The following ALOX5 variants were observed in gnomAD, a reference collection of about 807,000 sequenced individuals.
ALOX5 encodes the protein polyunsaturated fatty acid 5-lipoxygenase.
In ALOX5, 64 loss-of-function variants were observed where a neutral mutation model predicts 87.9. The ratio of observed to expected loss-of-function variants is 0.73; its 90% CI spans 0.60 to 0.90. The LOEUF (loss-of-function observed/expected upper bound fraction) is 0.90. Ranked by LOEUF, ALOX5 falls within the 40% of genes least tolerant of loss-of-function variation. The pLI is 0.00. For missense variants in ALOX5, 822 were observed against 907.5 expected (o/e 0.91, Z 1.21); for synonymous variants, 388 against 355.1 (o/e 1.09, Z -1.04).
chr10:45,381,610 G>C (rs1240308385), intron 1 of ALOX5, among the ~76,000 whole-genome samples: 2 of 152,154 alleles, frequency 1.3e-5, no homozygotes, highest in Non-Finnish European at 2.9e-5. Flanking sequence ...TATCCCATGT[G>C]GGGGCAGCTG....
At position 45,382,546 on chromosome 10, in the gene ALOX5, A is replaced by G. The variant is rs751386534; in HGVS notation, c.214A>G (p.Lys72Glu). Residue 72 changes from lysine to glutamate, a missense_variant, in exon 2 of 14, where the codon AAG (lysine) becomes GAG (glutamate). Physicochemically the swap from Lys to Glu is moderately conservative, Grantham distance 56. Coordinates refer to ENST00000374391, the MANE Select transcript of ALOX5 (RefSeq NM_000698.5). The part of the protein sequence containing the change: ...LGEIQLVRIE[K>E]RKYWLNDDWY... ...CGAGATCCAGCTGGTCAGAATCGAG[A>G]AGCGCAAGTACTGGCTGAATGACGA... 3 of 1,614,178 alleles carry G rather than the reference A, an allele frequency of 1.9e-6. No individual in the cohort carries two copies. The highest frequency in any genetic ancestry group is 2.5e-6 in the Non-Finnish European group (3 of 1,180,032).
At chr10:45,384,540 C>T (rs76502040) in intron 2 of ALOX5, among the ~76,000 whole-genome samples, 1 of 152,188 alleles carries the variant, frequency 6.6e-6, no homozygotes, top group Non-Finnish European at 1.5e-5. Context: ...CTCTAGGCTC[C>T]TTGGCCTCTC....
At chr10:45,384,567 C>A (rs1839949933) in intron 2 of ALOX5, among the ~76,000 whole-genome samples, 1 of 152,156 alleles carries the variant, frequency 6.6e-6, no homozygotes, top group Non-Finnish European at 1.5e-5. Flanking sequence ...TATGGAGTCT[C>A]ATTCTTTAAG....
In ALOX5 at chr10:45,382,333, G is replaced by A. The variant is rs1187458533; in HGVS notation, c.151-150G>A. Reference sequence around the variant, plus strand: ...TCTAAGAAACAGCACGAATGTCAGAGTATCTTGCACCTGCTGTTTTTTTAA... The same window carrying A: ...TCTAAGAAACAGCACGAATGTCAGAATATCTTGCACCTGCTGTTTTTTTAA... On this transcript the variant is annotated intron_variant, in intron 1 of 13. Coordinates refer to ENST00000374391, the MANE Select transcript of ALOX5 (RefSeq NM_000698.5). 1.8e-5 allele frequency: 13 copies of A among 732,558 alleles called. No individual in the cohort carries two copies. In the East Asian group the frequency reaches 3.5e-4, roughly 20 times the overall value. 45.4% of individuals were successfully genotyped at this position (732,558 alleles called of 1,614,324 possible).
intron 3 of ALOX5, among the ~76,000 whole-genome samples, chr10:45,396,684 C>T (rs780408114): frequency 3.4e-4 from 52 of 152,198 alleles, no homozygotes; most frequent in Non-Finnish European, 6.6e-4. Flanking sequence ...CTTGCATAAA[C>T]TCTTTTAAGA....
At chr10:45,376,867 C>A (rs1167527997) in intron 1 of ALOX5, among the ~76,000 whole-genome samples, 1 of 152,214 alleles carries the variant, frequency 6.6e-6, no homozygotes, top group Non-Finnish European at 1.5e-5. Context: ...GTTGTGTCTT[C>A]CTTGGCTCCT....
At chr10:45,419,976 C>G (rs1344614162) in intron 4 of ALOX5, among the ~76,000 whole-genome samples, 1 of 152,128 alleles carries the variant, frequency 6.6e-6, no homozygotes, top group East Asian at 1.9e-4. Context: ...CACTGGAAAG[C>G]AAAGCGTGGG....
intron 1 of ALOX5, among the ~76,000 whole-genome samples, chr10:45,376,778 A>G (rs1839630492): frequency 1.3e-5 from 2 of 152,102 alleles, no homozygotes; most frequent in Non-Finnish European, 2.9e-5. Flanking sequence ...GTCCCTTGTT[A>G]TTCTCATCAG....
chr10:45,418,480 T>G (rs1841379782), intron 4 of ALOX5, among the ~76,000 whole-genome samples: 1 of 152,172 alleles, frequency 6.6e-6, no homozygotes, highest in African/African-American at 2.4e-5. Context: ...TCAGGCCCTC[T>G]GGGACCGCGT....
At chr10:45,409,497 CTCTG>C (rs1169788860) in intron 3 of ALOX5, among the ~76,000 whole-genome samples, 5 of 141,948 alleles carry the variant, frequency 3.5e-5, no homozygotes, top group African/African-American at 7.8e-5. Context: ...CTTAGGATCT[CTCTG>C]TCTGTCTGTC....
rs1564453800 is a variant in ALOX5 at position 45,445,595 on chromosome 10, A to G, written c.1933A>G (p.Ile645Val). Reference sequence around the variant, plus strand: ...CCGATTCCGCAAGAACCTCGAGGCCATTGTCAGCGTGATTGCTGAGCGCAA... The same window carrying G: ...CCGATTCCGCAAGAACCTCGAGGCCGTTGTCAGCGTGATTGCTGAGCGCAA... Reference protein sequence around the residue: ...MARFRKNLEAIVSVIAERNKK... With the variant: ...MARFRKNLEAVVSVIAERNKK... Residue 645 changes from isoleucine (I) to valine (V), a missense_variant, in exon 14 of 14, where the codon ATT becomes GTT. Coordinates refer to ENST00000374391, the MANE Select transcript of ALOX5 (RefSeq NM_000698.5). The G allele has an allele frequency of 1.2e-6, 2 of 1,614,178 alleles. No homozygotes were observed. The highest frequency in any genetic ancestry group is 1.7e-6 in the Non-Finnish European group (2 of 1,180,030).
chr10:45,387,241 G>A (rs1350251592), intron 2 of ALOX5, among the ~76,000 whole-genome samples: 1 of 152,156 alleles, frequency 6.6e-6, no homozygotes, highest in African/African-American at 2.4e-5. Flanking sequence ...CTAGGACACT[G>A]CACTCTTTTA....
At chr10:45,431,797 C>T (rs770967731) in intron 7 of ALOX5, among the ~76,000 whole-genome samples, 25 of 152,116 alleles carry the variant, frequency 1.6e-4, no homozygotes, top group Non-Finnish European at 2.6e-4. Context: ...TGGTCTCGAA[C>T]TCCTGACCTT....
chr10:45,396,016 T>C (rs1333846528), intron 3 of ALOX5, 80 bp downstream of exon 3: 1 of 1,444,456 alleles, frequency 6.9e-7, no homozygotes, highest in East Asian at 2.4e-5. Flanking sequence ...ATAAACCCTT[T>C]CCACAGTGTA....
intron 13 of ALOX5, 51 bp downstream of exon 13, chr10:45,444,337 G>A: frequency 6.6e-7 from 1 of 1,505,062 alleles, no homozygotes; most frequent in Non-Finnish European, 8.9e-7. Context: ...AGGTTAAGCG[G>A]TTCCTCAGCC....
chr10:45,430,622 C>T (rs1055026568), intron 7 of ALOX5, among the ~76,000 whole-genome samples: 1 of 150,986 alleles, frequency 6.6e-6, no homozygotes, highest in Non-Finnish European at 1.5e-5. Flanking sequence ...ATATCAAGAC[C>T]CCGTCTCTTA....
chr10:45,438,749 T>G (rs911579571), intron 7 of ALOX5, among the ~76,000 whole-genome samples: 3 of 152,192 alleles, frequency 2.0e-5, no homozygotes, highest in Non-Finnish European at 4.4e-5. Context: ...TTCTGAGACC[T>G]TCTAATTTTT....
At chr10:45,436,157 G>C (rs533786945) in intron 7 of ALOX5, among the ~76,000 whole-genome samples, 2 of 152,138 alleles carry the variant, frequency 1.3e-5, no homozygotes, top group African/African-American at 4.8e-5. Context: ...GGTATTAGTC[G>C]TTTGTGGATG....
In ALOX5 at chr10:45,386,480, A is replaced by G. The variant is rs373030025; in HGVS notation, c.349+3799A>G. On this transcript the variant is annotated intron_variant, in intron 2 of 13. Coordinates refer to ENST00000374391, the MANE Select transcript of ALOX5 (RefSeq NM_000698.5). ...GACCCTGTCTCTTAAAAAAAATAAA[A>G]ATAAAATAAATACAAAATAAAATAC... is the stretch of plus-strand genomic sequence containing the variant. Among the ~76,000 whole-genome samples, 13 of 152,002 alleles carry G rather than the reference A, an allele frequency of 8.6e-5. 2 individuals carry two copies. The highest frequency in any genetic ancestry group is 2.6e-4 in the Admixed American group (4 of 15,278).
Sources: allele counts gnomAD v4.1 joint callset (sites outside exome capture counted in the v4.1 genomes callset), GRCh38; gene constraint gnomAD v4.1.1; transcripts MANE v1.5; gene names NCBI Gene and HGNC (gene_info 2026-07-23, HGNC 2026-07-21).